The following PPP3CA variants were observed in gnomAD, a reference collection of about 807,000 sequenced individuals.
PPP3CA encodes the protein CAM-PRP catalytic subunit.
Under a neutral mutation model 66.5 loss-of-function variants are expected in PPP3CA, and 14 were observed. The ratio of observed to expected loss-of-function variants is 0.21; its 90% confidence interval spans 0.14 to 0.33. The LOEUF is 0.33. PPP3CA is among the 10% of genes least tolerant of loss of function. PPP3CA has a pLI of 1.00. For missense variants in PPP3CA, 317 were observed against 639.5 expected, an observed-to-expected ratio of 0.50 and a Z score of 5.44; for synonymous variants, 232 against 226.2, an observed-to-expected ratio of 1.03 and a Z score of -0.23.
chr4:101,254,320 T>A (rs1726772083), intron 1 of PPP3CA, among the ~76,000 whole-genome samples: 1 of 152,026 alleles, frequency 6.6e-6, no homozygotes. Context: ...ATATAATTCG[T>A]AAGTTCATTT....
At chr4:101,226,839 T>C (rs953634254) in intron 1 of PPP3CA, among the ~76,000 whole-genome samples, 2 of 151,768 alleles carry the variant, frequency 1.3e-5, no homozygotes, top group African/African-American at 4.8e-5. Context: ...CTAATATAAA[T>C]GCTTGAAGAA....
intron 1 of PPP3CA, among the ~76,000 whole-genome samples, chr4:101,256,728 T>C (rs988186587): frequency 1.3e-5 from 2 of 152,040 alleles, no homozygotes; most frequent in Non-Finnish European, 2.9e-5. Context: ...AAGTAGGATT[T>C]TCTGGTTCCC....
At chr4:101,089,586 A>G (rs1729820368) in intron 6 of PPP3CA, among the ~76,000 whole-genome samples, 1 of 152,214 alleles carries the variant, frequency 6.6e-6, no homozygotes, top group Admixed American at 6.5e-5. Flanking sequence ...TACAAAGCTT[A>G]TATGATTCAT....
intron 1 of PPP3CA, among the ~76,000 whole-genome samples, chr4:101,277,102 T>A (rs1727520272): frequency 6.6e-6 from 1 of 152,192 alleles, no homozygotes; most frequent in Non-Finnish European, 1.5e-5. Flanking sequence ...TTCACTAACC[T>A]TTTCACTGTC....
At chr4:101,184,289 C>G (rs1243234462) in intron 2 of PPP3CA, among the ~76,000 whole-genome samples, 1 of 152,154 alleles carries the variant, frequency 6.6e-6, no homozygotes, top group Non-Finnish European at 1.5e-5. Flanking sequence ...GTATACTGTG[C>G]TGATTGAGAG....
At chr4:101,165,113 C>T (rs1578512155) in intron 2 of PPP3CA, among the ~76,000 whole-genome samples, 1 of 152,054 alleles carries the variant, frequency 6.6e-6, no homozygotes, top group South Asian at 2.1e-4. Flanking sequence ...TTAAACAAAA[C>T]GGCAGCAGCT....
Position 101,099,337 on chromosome 4 carries a change from C to G in PPP3CA, c.496+274G>C, listed in dbSNP as rs1216916680. ...TAATGAGTAGAATTATTGTTCCAAA[C>G]AGTAGCATCCCTAAATCACTTGTTT... On this transcript the variant is annotated intron_variant, in intron 4 of 13. Coordinates refer to ENST00000394854, the MANE Select transcript of PPP3CA (RefSeq NM_000944.5). Among the ~76,000 whole-genome samples the G allele has an allele frequency of 1.3e-5, 2 of 152,084 alleles. 1 individual carries two copies. Among genetic ancestry groups the G allele is most frequent in the South Asian group, 4.1e-4 (2 of 4,824 alleles).
intron 1 of PPP3CA, among the ~76,000 whole-genome samples, chr4:101,286,027 C>T (rs1727836520): frequency 6.6e-6 from 1 of 152,098 alleles, no homozygotes; most frequent in Non-Finnish European, 1.5e-5. Flanking sequence ...ATGTACAAGG[C>T]GGGGGTGGAT....
intron 2 of PPP3CA, among the ~76,000 whole-genome samples, chr4:101,184,618 T>G (rs1724349768): frequency 6.6e-6 from 1 of 152,198 alleles, no homozygotes; most frequent in South Asian, 2.1e-4. Context: ...TTCACCTGTT[T>G]CTTTTAAAAT....
chr4:101,102,483 C>T (rs1029034429), intron 3 of PPP3CA, among the ~76,000 whole-genome samples: 1 of 152,130 alleles, frequency 6.6e-6, no homozygotes, highest in Non-Finnish European at 1.5e-5. Context: ...TTGACTAAAA[C>T]CACAAAGGCA....
At chr4:101,036,587 T>C (rs1474649478) in intron 11 of PPP3CA, among the ~76,000 whole-genome samples, 1 of 152,154 alleles carries the variant, frequency 6.6e-6, no homozygotes, top group African/African-American at 2.4e-5. Flanking sequence ...AATTTTTTTG[T>C]ATTTTCAGTA....
chr4:101,042,413 T>C (rs62305883), intron 10 of PPP3CA, among the ~76,000 whole-genome samples: 32,372 of 152,056 alleles, frequency 0.21, 3,685 homozygotes, highest in Middle Eastern at 0.32. Context: ...AACTATGCCA[T>C]GGCAGGCACC....
chr4:101,188,940 A>G (rs1012857110), intron 2 of PPP3CA, among the ~76,000 whole-genome samples: 3 of 152,190 alleles, frequency 2.0e-5, no homozygotes, highest in Admixed American at 6.5e-5. Flanking sequence ...ATACCAAGAC[A>G]GTAACTTTAC....
At chr4:101,302,796 C>T (rs1168048620) in intron 1 of PPP3CA, among the ~76,000 whole-genome samples, 2 of 152,182 alleles carry the variant, frequency 1.3e-5, no homozygotes, top group Non-Finnish European at 2.9e-5. Context: ...CCATGTCAGC[C>T]AGACAGAATA....
At chr4:101,090,496 G>A (rs1026426402) in intron 6 of PPP3CA, among the ~76,000 whole-genome samples, 9 of 151,816 alleles carry the variant, frequency 5.9e-5, no homozygotes, top group African/African-American at 2.2e-4. Flanking sequence ...TAAAAAATTA[G>A]GCAGGCATGG....
intron 1 of PPP3CA, among the ~76,000 whole-genome samples, chr4:101,292,746 A>T (rs1054049691): frequency 1.3e-5 from 2 of 152,184 alleles, no homozygotes; most frequent in Non-Finnish European, 2.9e-5. Flanking sequence ...AACAACAATT[A>T]ACCAAAAAAC....
Position 101,063,222 on chromosome 4 carries a change from C to T in PPP3CA, c.1081+10G>A, listed in dbSNP as rs1230450725. ...TTTTAAGAAGAACATCTCAGGATTC[C>T]ACAACATACCTTTTTCCCCAACAAA... On this transcript the variant is annotated intron_variant, in intron 9 of 13. Transcript: ENST00000394854. 2 of 1,609,568 alleles carry T rather than the reference C, an allele frequency of 1.2e-6. No individual in the cohort carries two copies. The highest frequency in any genetic ancestry group is 1.7e-5 in the Admixed American group (1 of 59,620).
chr4:101,294,808 G>A (rs1048010510), intron 1 of PPP3CA, among the ~76,000 whole-genome samples: 6 of 151,314 alleles, frequency 4.0e-5, no homozygotes, highest in African/African-American at 7.3e-5. Context: ...TAGTTGTAGC[G>A]ATGAAAAATA....
At chr4:101,266,825 T>C (rs1269986686) in intron 1 of PPP3CA, among the ~76,000 whole-genome samples, 1 of 152,208 alleles carries the variant, frequency 6.6e-6, no homozygotes, top group Admixed American at 6.5e-5. Flanking sequence ...TCCAGTAGTA[T>C]CTCTGGGTAT....
Sources: allele counts gnomAD v4.1 joint callset (sites outside exome capture counted in the v4.1 genomes callset), GRCh38; gene constraint gnomAD v4.1.1; transcripts MANE v1.5; gene names NCBI Gene and HGNC (gene_info 2026-07-23, HGNC 2026-07-21).